SGCZ: variants seen among roughly 807,000 people sequenced by gnomAD.
The protein encoded by SGCZ is sarcoglycan zeta.
Under a neutral mutation model 41.3 loss-of-function variants are expected in SGCZ, and 40 were observed. The ratio of observed to expected loss-of-function variants is 0.97; its 90% CI spans 0.75 to 1.26. The LOEUF (loss-of-function observed/expected upper bound fraction) is 1.26. SGCZ is among the 50% of genes most tolerant of loss of function. The pLI, the probability that SGCZ is intolerant of heterozygous loss-of-function variation, is 0.00. For synonymous variants in SGCZ, 206 were observed against 137.5 expected (o/e 1.50, Z -3.49); for missense variants, 552 against 369.8 (o/e 1.49, Z -4.04).
chr8:14,471,313 C>T (rs988612667), intron 2 of SGCZ, among the ~76,000 whole-genome samples: 1 of 152,124 alleles, frequency 6.6e-6, no homozygotes, highest in Non-Finnish European at 1.5e-5. Flanking sequence ...CTGAAAAATA[C>T]ATTAATTAGC....
intron 2 of SGCZ, among the ~76,000 whole-genome samples, chr8:14,545,109 G>C (rs1803584225): frequency 6.6e-6 from 1 of 152,026 alleles, no homozygotes; most frequent in African/African-American, 2.4e-5. Flanking sequence ...TTATTTCTCA[G>C]CCGGCTGACA....
In SGCZ at chr8:14,776,230, C is replaced by T. The variant is rs538021789; in HGVS notation, c.40-221304G>A. ...AATCTTACTTTGAATTGTAATAATC[C>T]CCACATGTCAATGGTGGGGCCACAT... On this transcript the variant is annotated intron_variant, in intron 1 of 7. Transcript: ENST00000382080. Among the ~76,000 whole-genome samples the T allele has an allele frequency of 3.9e-5, 6 of 152,000 alleles. No individual in the cohort carries two copies. In the South Asian group the frequency reaches 8.3e-4, roughly 21 times the overall value.
At chr8:14,598,067 T>C (rs546839985) in intron 1 of SGCZ, among the ~76,000 whole-genome samples, 1 of 152,314 alleles carries the variant, frequency 6.6e-6, no homozygotes, top group African/African-American at 2.4e-5. Context: ...GTATACTTAT[T>C]TTTTCTATAT....
At chr8:15,003,990 G>A (rs1802514247) in intron 1 of SGCZ, among the ~76,000 whole-genome samples, 1 of 152,148 alleles carries the variant, frequency 6.6e-6, no homozygotes, top group Non-Finnish European at 1.5e-5. Context: ...AACATGAGCA[G>A]GAGGGGGGAA....
intron 1 of SGCZ, among the ~76,000 whole-genome samples, chr8:14,972,095 T>A (rs1044243762): frequency 6.6e-6 from 1 of 152,170 alleles, no homozygotes; most frequent in Non-Finnish European, 1.5e-5. Flanking sequence ...GAGGATGTTA[T>A]GTAGACTTTG....
At chr8:14,449,281 G>C (rs1339592955) in intron 2 of SGCZ, among the ~76,000 whole-genome samples, 1 of 152,094 alleles carries the variant, frequency 6.6e-6, no homozygotes, top group African/African-American at 2.4e-5. Flanking sequence ...GTTCACATTG[G>C]CCTGGACAAA....
chr8:14,177,498 TTTTGTTTGTTTG>T (rs146427241), intron 4 of SGCZ, among the ~76,000 whole-genome samples: 2 of 151,148 alleles, frequency 1.3e-5, no homozygotes, highest in Admixed American at 6.6e-5. Flanking sequence ...CTGTTTCCTT[TTTTGTTTGTTTG>T]TTTGTTTGTT....
intron 1 of SGCZ, among the ~76,000 whole-genome samples, chr8:14,913,513 T>C (rs1187043835): frequency 2.0e-5 from 3 of 152,130 alleles, no homozygotes; most frequent in Admixed American, 1.3e-4. Flanking sequence ...AATAAACTTT[T>C]ATTATGTAGG....
At chr8:14,463,980 T>C (rs774741136) in intron 2 of SGCZ, among the ~76,000 whole-genome samples, 7 of 151,104 alleles carry the variant, frequency 4.6e-5, no homozygotes, top group Non-Finnish European at 8.9e-5. Flanking sequence ...TTATTGGCCA[T>C]GGTTTGTAAC....
intron 2 of SGCZ, among the ~76,000 whole-genome samples, chr8:14,542,361 A>G (rs577068428): frequency 6.6e-6 from 1 of 152,218 alleles, no homozygotes; most frequent in Non-Finnish European, 1.5e-5. Flanking sequence ...GGGCACTATC[A>G]ACAAAATTGC....
At chr8:15,061,530 T>TAAAAAA (rs56690396) in intron 1 of SGCZ, among the ~76,000 whole-genome samples, 18 of 142,028 alleles carry the variant, frequency 1.3e-4, no homozygotes, top group African/African-American at 4.4e-4. Context: ...TTACAGTATA[T>TAAAAAA]AAAAAAAAAA....
intron 2 of SGCZ, among the ~76,000 whole-genome samples, chr8:14,377,123 T>A (rs1804161236): frequency 6.6e-6 from 1 of 152,084 alleles, no homozygotes; most frequent in African/African-American, 2.4e-5. Flanking sequence ...ACGAACAATA[T>A]AATTAGAGAG....
At chr8:14,565,696 C>T (rs1202146235) in intron 1 of SGCZ, among the ~76,000 whole-genome samples, 2 of 152,036 alleles carry the variant, frequency 1.3e-5, no homozygotes, top group East Asian at 1.9e-4. Context: ...AACAAGAAAA[C>T]ATATTTGAAA....
chr8:14,195,248 C>T (rs1250832494), intron 4 of SGCZ, among the ~76,000 whole-genome samples: 2 of 151,944 alleles, frequency 1.3e-5, no homozygotes, highest in African/African-American at 4.8e-5. Context: ...ATTAAAAAGA[C>T]CCAAATCAAG....
At chr8:14,807,284 C>G (rs1801570111) in intron 1 of SGCZ, among the ~76,000 whole-genome samples, 2 of 152,122 alleles carry the variant, frequency 1.3e-5, no homozygotes, top group South Asian at 4.1e-4. Context: ...AAGAGCAAGT[C>G]AAATTGTCCC....
chr8:14,191,748 A>G (rs1462127420), intron 4 of SGCZ, among the ~76,000 whole-genome samples: 1 of 152,184 alleles, frequency 6.6e-6, no homozygotes, highest in African/African-American at 2.4e-5. Flanking sequence ...GAAACATCAT[A>G]CAAATGTTTT....
intron 1 of SGCZ, among the ~76,000 whole-genome samples, chr8:14,983,179 T>G (rs1475183787): frequency 1.5e-5 from 1 of 67,398 alleles, no homozygotes; most frequent in Non-Finnish European, 2.8e-5. Flanking sequence ...CACTCCTTTT[T>G]TTTTTCTTTT....
intron 2 of SGCZ, among the ~76,000 whole-genome samples, chr8:14,461,581 G>C (rs1375010701): frequency 2.0e-5 from 3 of 152,054 alleles, no homozygotes; most frequent in Non-Finnish European, 2.9e-5. Context: ...AGACGAATCA[G>C]TATGGCAGTT....
At chr8:14,215,077 G>A (rs529750212) in intron 4 of SGCZ, among the ~76,000 whole-genome samples, 4 of 152,084 alleles carry the variant, frequency 2.6e-5, no homozygotes, top group African/African-American at 4.8e-5. Flanking sequence ...TTATTTTCAA[G>A]TGACCATAGA....
Sources: allele counts gnomAD v4.1 joint callset (sites outside exome capture counted in the v4.1 genomes callset), GRCh38; gene constraint gnomAD v4.1.1; transcripts MANE v1.5; gene names NCBI Gene and HGNC (gene_info 2026-07-23, HGNC 2026-07-21).